Variants in USP6 observed in about 807,000 individuals in gnomAD.
USP6 encodes the protein ubiquitin specific peptidase 6.
A neutral mutation model predicts 175.7 loss-of-function variants in USP6; 128 were observed. The observed-to-expected ratio is 0.73, with a 90% confidence interval of 0.63 to 0.84. The LOEUF is 0.84. Ranked by LOEUF, USP6 falls within the 40% of genes least tolerant of loss-of-function variation. The probability of loss-of-function intolerance (pLI) is 0.00; values close to 1 mark genes in which losing one functional copy is unlikely to be tolerated. For synonymous variants in USP6, 562 were observed against 630.6 expected, an observed-to-expected ratio of 0.89 and a Z score of 1.63; for missense variants, 1,498 against 1,760.3, an observed-to-expected ratio of 0.85 and a Z score of 2.67.
At chr17:5,146,519 C>A (rs1276653218) in intron 28 of USP6, among the ~76,000 whole-genome samples, 1 of 152,060 alleles carries the variant, frequency 6.6e-6, no homozygotes, top group East Asian at 1.9e-4. Flanking sequence ...TCTATATTAC[C>A]ACTGTTACTA....
intron 24 of USP6, 87 bp downstream of exon 24, chr17:5,142,228 G>A (rs1021975389): frequency 5.8e-6 from 9 of 1,548,094 alleles, no homozygotes; most frequent in African/African-American, 5.5e-5. Flanking sequence ...TTCACCCTGC[G>A]GGAGAAAGAT....
chr17:5,147,351 A>C (rs904976838), intron 29 of USP6, among the ~76,000 whole-genome samples, 157 bp downstream of exon 29: 3 of 152,222 alleles, frequency 2.0e-5, no homozygotes, highest in Admixed American at 2.0e-4. Context: ...TTTTTCGATG[A>C]GAAACCTAAA....
In USP6 at chr17:5,118,200, G is replaced by C. The variant is rs144730574; in HGVS notation, c.-1927G>C. 6.6e-6 allele frequency: 1 copy of C among 152,414 alleles called. No homozygotes were observed. Among genetic ancestry groups the C allele is most frequent in the African/African-American group, 2.4e-5 (1 of 41,436 alleles). 9.4% of individuals were successfully genotyped at this position (152,414 alleles called of 1,614,324 possible). A position where few individuals can be genotyped will look rare whatever the true frequency, so the allele number is the denominator to read the frequency against. ...ACAGTCTTATTTCCTATTGATACAG[G>C]ATTTTTTTCCTTGATTCCTTCGTGG... On this transcript the variant is annotated splice_region_variant and 5_prime_UTR_variant, in exon 2 of 38. Coordinates refer to ENST00000574788, the MANE Select transcript of USP6 (RefSeq NM_001304284.2).
chr17:5,151,175 T>C (rs1413252380), intron 30 of USP6, among the ~76,000 whole-genome samples: 2 of 152,122 alleles, frequency 1.3e-5, no homozygotes, highest in East Asian at 1.9e-4. Flanking sequence ...TCAACTCAAC[T>C]ACAGATATTA....
intron 21 of USP6, among the ~76,000 whole-genome samples, chr17:5,138,545 C>A (rs1158145415): frequency 1.3e-5 from 2 of 152,086 alleles, no homozygotes; most frequent in African/African-American, 2.4e-5. Flanking sequence ...GTCTCGCTCT[C>A]TCCCTCACAG....
intron 29 of USP6, among the ~76,000 whole-genome samples, chr17:5,148,301 T>C (rs1157597732): frequency 6.6e-6 from 1 of 152,250 alleles, no homozygotes; most frequent in Non-Finnish European, 1.5e-5. Context: ...ATGGTGCTGA[T>C]ACAGGTTTCT....
intron 31 of USP6, among the ~76,000 whole-genome samples, chr17:5,157,943 C>T (rs1287111283): frequency 1.3e-5 from 2 of 150,186 alleles, no homozygotes; most frequent in African/African-American, 5.1e-5. Flanking sequence ...GCTTTTTACC[C>T]TGAACAATTG....
At chr17:5,152,618 T>C (rs1377024542) in intron 30 of USP6, among the ~76,000 whole-genome samples, 5 of 152,182 alleles carry the variant, frequency 3.3e-5, no homozygotes, top group Admixed American at 2.0e-4. Context: ...AAGAACATTA[T>C]ACAGGAATGA....
At chr17:5,118,915 C>G (rs533449188) in intron 2 of USP6, among the ~76,000 whole-genome samples, 1 of 152,076 alleles carries the variant, frequency 6.6e-6, no homozygotes, top group Non-Finnish European at 1.5e-5. Context: ...TTGGAAAAGG[C>G]AACATTTGAT....
chr17:5,143,356 G>A (rs2073509897), intron 25 of USP6, among the ~76,000 whole-genome samples: 1 of 152,258 alleles, frequency 6.6e-6, no homozygotes, highest in Non-Finnish European at 1.5e-5. Context: ...GATGGTTGCT[G>A]TGTCTGCGTA....
Position 5,135,216 on chromosome 17 carries a change from C to G in USP6, c.495-18C>G, listed in dbSNP as rs374206610. ...ATCTGCACAAACCAAACCATAGCCCCCTTTCTGTGTTTCCTAGGCAGAGGG... is the reference window on the plus strand; with the variant it reads ...ATCTGCACAAACCAAACCATAGCCCGCTTTCTGTGTTTCCTAGGCAGAGGG... On this transcript the variant is annotated intron_variant, in intron 15 of 37. Coordinates refer to ENST00000574788, the MANE Select transcript of USP6 (RefSeq NM_001304284.2). The G allele has an allele frequency of 3.7e-6, 6 of 1,611,978 alleles. No individual in the cohort carries two copies. The highest frequency in any genetic ancestry group is 4.2e-6 in the Non-Finnish European group (5 of 1,178,584).
chr17:5,137,866 T>C, intron 20 of USP6, 116 bp downstream of exon 20: 1 of 1,578,638 alleles, frequency 6.3e-7, no homozygotes, highest in South Asian at 1.1e-5. Context: ...CAGAGGGAGG[T>C]CTGGCCAGGT....
chr17:5,165,438 A>T (rs760677928), intron 33 of USP6, among the ~76,000 whole-genome samples: 2 of 152,110 alleles, frequency 1.3e-5, no homozygotes, highest in Non-Finnish European at 2.9e-5. Flanking sequence ...CAAATTAGCC[A>T]GGTGTGGTGG....
chr17:5,138,205 C>A lies in USP6; in HGVS notation c.1010C>A (p.Thr337Asn), dbSNP rs1347313514. Reference protein sequence around the residue: ...FFDTWAMNDDTVLKHLRASTK... With the variant: ...FFDTWAMNDDNVLKHLRASTK... ...GATACCTGGGCCATGAACGATGACA[C>A]CGTGCTCAAGCATCTTAGGGCCTCT... is the stretch of plus-strand genomic sequence containing the variant. Residue 337 changes from threonine to asparagine, a missense_variant, in exon 21 of 38, where the codon ACC becomes AAC. Transcript: ENST00000574788. 1 of 1,614,074 alleles carries A rather than the reference C, an allele frequency of 6.2e-7. No individual in the cohort carries two copies. The highest frequency in any genetic ancestry group is 2.2e-5 in the East Asian group (1 of 44,882).
chr17:5,124,511 A>G (rs2072828524), intron 4 of USP6, 55 bp from the exon 5 acceptor site: 1 of 152,232 alleles, frequency 6.6e-6, no homozygotes, highest in South Asian at 2.1e-4. Context: ...TTATCTACCA[A>G]CATTTTGTCC....
intron 30 of USP6, among the ~76,000 whole-genome samples, chr17:5,151,199 CA>C: frequency 6.6e-6 from 1 of 151,730 alleles, no homozygotes; most frequent in South Asian, 2.1e-4. Context: ...ATCTTAGTAT[CA>C]AAAAAATTAA....
chr17:5,156,736 C>CTT (rs113739439), intron 31 of USP6, among the ~76,000 whole-genome samples: 2 of 143,196 alleles, frequency 1.4e-5, no homozygotes, highest in Non-Finnish European at 3.1e-5. Flanking sequence ...ATAAATACAT[C>CTT]TTTTTTTTTT....
At position 5,132,527 on chromosome 17, in the gene USP6, G is replaced by C. The variant is rs2073105231; in HGVS notation, c.195+92G>C. 1 of 1,602,372 alleles carries C rather than the reference G, an allele frequency of 6.2e-7. No individual in the cohort carries two copies. Among genetic ancestry groups the C allele is most frequent in the African/African-American group, 1.3e-5 (1 of 74,640 alleles). ...AGAGGAAGCAGCTGGCCTGGGCGGT[G>C]GCGGGTGAGGGCAACACGCTGTCAC... On this transcript the variant is annotated intron_variant, in intron 12 of 37. Transcript: ENST00000574788. This position sits in a 1 kb window ranked among gnomAD's most constrained non-coding sequence, Gnocchi z 4.7.
chr17:5,133,581 C>T (rs748928772), intron 14 of USP6, 31 bp downstream of exon 14: 77 of 1,576,876 alleles, frequency 4.9e-5, no homozygotes, highest in Non-Finnish European at 6.5e-5. Context: ...ACAAACAGGA[C>T]AGGCCGTGTC....
Sources: allele counts gnomAD v4.1 joint callset (sites outside exome capture counted in the v4.1 genomes callset), GRCh38; gene constraint gnomAD v4.1.1; non-coding constraint Gnocchi (gnomAD v3.1); transcripts MANE v1.5; gene names NCBI Gene and HGNC (gene_info 2026-07-23, HGNC 2026-07-21).